GDAP1: variants seen among roughly 807,000 people sequenced by gnomAD.
GDAP1 encodes ganglioside induced differentiation associated protein 1, also known as ganglioside-induced differentiation-associated protein 1.
GDAP1 carries 34 observed loss-of-function variants against 40.1 expected under a neutral mutation model. The observed-to-expected ratio is 0.85, with a 90% CI of 0.64 to 1.13. The LOEUF (loss-of-function observed/expected upper bound fraction) is 1.13, where lower values mean the gene tolerates loss of function less well. Ranked by LOEUF, GDAP1 falls within the 50% of genes most tolerant of loss-of-function variation. GDAP1 has a pLI of 0.00. For synonymous variants in GDAP1, 170 were observed against 157.4 expected, an observed-to-expected ratio of 1.08 and a Z score of -0.60; for missense variants, 374 against 433.7, an observed-to-expected ratio of 0.86 and a Z score of 1.22.
In GDAP1 at chr8:74,365,928, T is replaced by C; in HGVS notation, c.*1561T>C. 1 of 453,834 alleles carries C rather than the reference T, an allele frequency of 2.2e-6. No homozygotes were observed. Among genetic ancestry groups the C allele is most frequent in the Non-Finnish European group, 4.4e-6 (1 of 226,714 alleles). 28.1% of individuals were successfully genotyped at this position (453,834 alleles called of 1,614,324 possible). On this transcript the variant is annotated 3_prime_UTR_variant, in exon 6 of 6. Coordinates refer to ENST00000220822, the MANE Select transcript of GDAP1 (RefSeq NM_018972.4). ...TGTTGCTGGGACATACCAATCCATGTATTCATTAGAGCCATAGAAGTTATT... is the reference window on the plus strand; with the variant it reads ...TGTTGCTGGGACATACCAATCCATGCATTCATTAGAGCCATAGAAGTTATT...
intron 2 of GDAP1, among the ~76,000 whole-genome samples, chr8:74,445,496 T>C (rs1297913442): frequency 6.6e-6 from 1 of 152,204 alleles, no homozygotes; most frequent in African/African-American, 2.4e-5. Flanking sequence ...TTTTTAGCAG[T>C]TCATTCTACA....
At chr8:74,475,857 ATCTG>A (rs1806622333) in intron 2 of GDAP1, among the ~76,000 whole-genome samples, 1 of 152,170 alleles carries the variant, frequency 6.6e-6, no homozygotes, top group East Asian at 1.9e-4. Context: ...TGACTCAATG[ATCTG>A]TCTAATACTG....
chr8:74,379,410 T>C (rs1809913572), intron 2 of GDAP1, among the ~76,000 whole-genome samples: 1 of 152,180 alleles, frequency 6.6e-6, no homozygotes, highest in African/African-American at 2.4e-5. Context: ...TGGTTCCCTG[T>C]TCACATCACC....
intron 2 of GDAP1, among the ~76,000 whole-genome samples, chr8:74,438,601 ATTATT>A (rs1806122179): frequency 6.6e-6 from 1 of 152,062 alleles, no homozygotes; most frequent in Non-Finnish European, 1.5e-5. Context: ...TATCTATTGA[ATTATT>A]TTATTATTAC....
At chr8:74,426,809 T>C (rs1805952748) in intron 2 of GDAP1, among the ~76,000 whole-genome samples, 1 of 152,240 alleles carries the variant, frequency 6.6e-6, no homozygotes, top group African/African-American at 2.4e-5. Context: ...AACTTTTTCA[T>C]GTTGGTTACA....
chr8:74,446,063 A>G (rs1461932254), intron 2 of GDAP1, among the ~76,000 whole-genome samples: 1 of 152,194 alleles, frequency 6.6e-6, no homozygotes, highest in Non-Finnish European at 1.5e-5. Context: ...AATAGCAAAC[A>G]TACCCTTGTC....
At chr8:74,363,640 G>A (rs1018665234) in intron 5 of GDAP1, among the ~76,000 whole-genome samples, 1 of 152,200 alleles carries the variant, frequency 6.6e-6, no homozygotes, top group African/African-American at 2.4e-5. Flanking sequence ...AAGCAGAACT[G>A]TTTTTATAAA....
intron 2 of GDAP1, among the ~76,000 whole-genome samples, chr8:74,393,592 A>C (rs1810145360): frequency 6.6e-6 from 1 of 152,230 alleles, no homozygotes; most frequent in Non-Finnish European, 1.5e-5. Flanking sequence ...AGAAATTTAA[A>C]AAGAAACTTC....
intron 2 of GDAP1, among the ~76,000 whole-genome samples, chr8:74,410,713 A>G (rs1586826064): frequency 6.7e-6 from 1 of 150,220 alleles, no homozygotes; most frequent in Admixed American, 6.6e-5. Flanking sequence ...AAGTCTGGGA[A>G]CCTGAACAGA....
At chr8:74,402,283 T>C (rs1810357987) in intron 2 of GDAP1, among the ~76,000 whole-genome samples, 2 of 150,472 alleles carry the variant, frequency 1.3e-5, no homozygotes, top group Admixed American at 6.6e-5. Flanking sequence ...CCAGCCTCGC[T>C]GCCACCTTGC....
chr8:74,350,485 G>A lies in GDAP1; in HGVS notation c.24G>A (p.Gln8=). The A allele has an allele frequency of 6.2e-7, 1 of 1,612,826 alleles. No homozygotes were observed. The change falls in exon 1 of 6, where the codon CAG becomes CAA. Residue 8 remains glutamine (Q), a synonymous_variant. Coordinates refer to ENST00000220822, the MANE Select transcript of GDAP1 (RefSeq NM_018972.4). The part of the protein sequence containing the change: MAERQEE[Q]RGSPPLRAEG... The stretch of plus-strand genomic sequence containing the variant: ...AGATGGCTGAGAGGCAGGAAGAGCA[G>A]AGAGGGAGCCCGCCCTTGAGGGCGG...
At position 74,440,703 on chromosome 8, in the gene GDAP1, T is replaced by A. The variant is rs545455012; in HGVS notation, c.166-47975T>A. Among the ~76,000 whole-genome samples the A allele has an allele frequency of 9.2e-5, 14 of 152,230 alleles. No homozygotes were observed. The South Asian group carries it at 2.9e-3, about 32-fold the overall frequency. ...TGGGAGTTAATCATGCCTGCTACAT[T>A]GCTGGAGCAAAATTCAACACTAAAC... On this transcript the variant is annotated intron_variant, in intron 2 of 2. Transcript: ENST00000523640.
At chr8:74,351,073 T>G (rs906747670) in intron 1 of GDAP1, among the ~76,000 whole-genome samples, 7 of 152,152 alleles carry the variant, frequency 4.6e-5, no homozygotes, top group Admixed American at 2.0e-4. Context: ...AATCATTTCA[T>G]TACTTATTTT....
At chr8:74,401,325 G>T (rs201446220) in intron 2 of GDAP1, among the ~76,000 whole-genome samples, 6 of 149,288 alleles carry the variant, frequency 4.0e-5, no homozygotes, top group African/African-American at 7.7e-5. Context: ...ACTGATACCC[G>T]TTCTTCCAGT....
chr8:74,469,660 C>T (rs961940360), intron 2 of GDAP1, among the ~76,000 whole-genome samples: 6 of 138,686 alleles, frequency 4.3e-5, no homozygotes, highest in African/African-American at 8.2e-5. Context: ...CAGAGTGAGA[C>T]TCCGTCTCAA....
In GDAP1 at chr8:74,366,727, C is replaced by T. The variant is rs1809655681; in HGVS notation, c.*2360C>T. 2.2e-6 allele frequency: 1 copy of T among 453,124 alleles called. No homozygotes were observed. Among genetic ancestry groups the T allele is most frequent in the African/African-American group, 2.0e-5 (1 of 49,942 alleles). The allele number at this position is 453,124 out of a possible 1,614,324, so 28.1% of individuals were successfully genotyped here. A position where few individuals can be genotyped will look rare whatever the true frequency, so the allele number is the denominator to read the frequency against. On this transcript the variant is annotated 3_prime_UTR_variant, in exon 6 of 6. Coordinates refer to ENST00000220822, the MANE Select transcript of GDAP1 (RefSeq NM_018972.4). ...TCCATTTTCCATAATTGCGGATAGT[C>T]ATAAATTGCTTGCTCAATTTTTAGT...
At position 74,365,145 on chromosome 8, in the gene GDAP1, G is replaced by T. The variant is rs1047351519; in HGVS notation, c.*778G>T. On this transcript the variant is annotated 3_prime_UTR_variant, in exon 6 of 6. Coordinates refer to ENST00000220822, the MANE Select transcript of GDAP1 (RefSeq NM_018972.4). ...AAGTGGCATTTAGGTGAATGTCCCA[G>T]CTAATCACTAGCATGTCTAGGTATT... 2 of 453,972 alleles carry T rather than the reference G, an allele frequency of 4.4e-6. No individual in the cohort carries two copies. The highest frequency in any genetic ancestry group is 2.3e-5 in the Admixed American group (1 of 42,556). The allele number at this position is 453,972 out of a possible 1,614,324, so 28.1% of individuals were successfully genotyped here.
In GDAP1 at chr8:74,364,463, C is replaced by T. The variant is rs1809527655; in HGVS notation, c.*96C>T. ...TGAGTCTGTCTTATTGAGTAGTTAG[C>T]AGTATTTTTTCCTAAAATTCAGAAG... On this transcript the variant is annotated 3_prime_UTR_variant, in exon 6 of 6. Transcript: ENST00000220822. 2 of 1,248,036 alleles carry T rather than the reference C, an allele frequency of 1.6e-6. No homozygotes were observed. The highest frequency in any genetic ancestry group is 2.9e-5 in the African/African-American group (2 of 68,154). The allele number at this position is 1,248,036 out of a possible 1,614,324, so 77.3% of individuals were successfully genotyped here. A position where few individuals can be genotyped will look rare whatever the true frequency, so the allele number is the denominator to read the frequency against.
chr8:74,436,099 A>T (rs1489957410), intron 2 of GDAP1, among the ~76,000 whole-genome samples: 2 of 152,228 alleles, frequency 1.3e-5, no homozygotes, highest in Non-Finnish European at 2.9e-5. Flanking sequence ...TAGATTGCTC[A>T]TGGGAGACTA....
Sources: allele counts gnomAD v4.1 joint callset (sites outside exome capture counted in the v4.1 genomes callset), GRCh38; gene constraint gnomAD v4.1.1; transcripts MANE v1.5; gene names NCBI Gene and HGNC (gene_info 2026-07-23, HGNC 2026-07-21).